Variants in IGF2 observed in about 807,000 individuals in gnomAD.
IGF2 encodes the protein insulin like growth factor 2, also known as insulin-like growth factor 2.
A neutral mutation model predicts 12.0 loss-of-function variants in IGF2; 2 were observed. That is an observed-to-expected ratio of 0.17 (90% CI 0.07 to 0.52). IGF2 has a LOEUF of 0.52. Ranked by LOEUF, IGF2 falls within the 20% of genes least tolerant of loss-of-function variation. The pLI is 0.95. For missense variants in IGF2, 211 were observed against 268.0 expected (o/e 0.79, Z 1.48); for synonymous variants, 105 against 110.1 (o/e 0.95, Z 0.29).
chr11:2,147,483 G>A, the IGF2 span: 4 of 541,820 alleles, frequency 7.4e-6, no homozygotes, highest in Non-Finnish European at 1.1e-5. The surrounding 1 kb of genome is among the most constrained non-coding windows in gnomAD (Gnocchi z 7.2). Context: ...GCTGCTTGCA[G>A]AAGGGGGAGA....
chr11:2,144,526 G>T (rs1437500093), upstream of IGF2, among the ~76,000 whole-genome samples: 1 of 152,252 alleles, frequency 6.6e-6, no homozygotes, highest in Non-Finnish European at 1.5e-5. Context: ...AGAAACACGG[G>T]GCCCGGGAGG....
chr11:2,132,933 CAGG>C lies in IGF2; in HGVS notation c.*51_*53del. ...GGAACCTGATGGAAACGTCCGTGGTCAGGAGGAGGCTGCAGGATGGTGGCGCCG... is the reference window on the plus strand; with the variant it reads ...GGAACCTGATGGAAACGTCCGTGGTCAGGAGGCTGCAGGATGGTGGCGCCG... On this transcript the variant is annotated 3_prime_UTR_variant, in exon 4 of 4. Coordinates refer to ENST00000416167, the MANE Select transcript of IGF2 (RefSeq NM_000612.6). The C allele has an allele frequency of 3.3e-6, 4 of 1,214,410 alleles. No individual in the cohort carries two copies. Among genetic ancestry groups the C allele is most frequent in the Non-Finnish European group, 4.6e-6 (4 of 874,138 alleles). 75.2% of individuals were successfully genotyped at this position (1,214,410 alleles called of 1,614,324 possible).
upstream of IGF2, chr11:2,140,720 C>A: frequency 2.4e-6 from 1 of 419,486 alleles, no homozygotes; most frequent in African/African-American, 2.2e-5. Flanking sequence ...AGTCCGCAGC[C>A]GTGTCCCGCG....
chr11:2,133,037 C>T lies in IGF2; in HGVS notation c.493G>A (p.Asp165Asn). The change falls in exon 4 of 4, where the codon GAC (aspartate) becomes AAC (asparagine). Residue 165 changes from aspartate (D) to asparagine (N), a missense_variant. Asp to Asn is a conservative substitution (Grantham distance 23). Around this residue, in one of 3 missense-constraint regions of IGF2, gnomAD observed 141 missense variants for 153.1 expected, o/e 0.92. Transcript: ENST00000416167. This position sits in a 1 kb window ranked among gnomAD's most constrained non-coding sequence, Gnocchi z 8.9. Reference sequence around the variant, plus strand: ...GGGGGGGCGCCCCCGTGGGCGGGGTCTTGGGTGGGTAGAGCAATCAGGGGA... The same window carrying T: ...GGGGGGGCGCCCCCGTGGGCGGGGTTTTGGGTGGGTAGAGCAATCAGGGGA... ...HRPLIALPTQ[D>N]PAHGGAPPEM... 1 of 1,585,754 alleles carries T rather than the reference C, an allele frequency of 6.3e-7. No individual in the cohort carries two copies. Among genetic ancestry groups the T allele is most frequent in the Non-Finnish European group, 8.6e-7 (1 of 1,164,554 alleles).
upstream of IGF2, chr11:2,140,174 G>C: frequency 2.5e-6 from 4 of 1,613,430 alleles, no homozygotes; most frequent in Non-Finnish European, 3.4e-6. Context: ...TAAGTAGCTC[G>C]CCTTTGCGGC....
At chr11:2,149,167 G>A in the IGF2 span, 4 of 1,613,546 alleles carry the variant, frequency 2.5e-6, no homozygotes, top group Non-Finnish European at 3.4e-6. Context: ...CTCCTGGACA[G>A]TGGATAAAGA....
intron 1 of IGF2, 68 bp downstream of exon 1, chr11:2,138,161 C>G: frequency 1.1e-6 from 1 of 941,358 alleles, no homozygotes; most frequent in Non-Finnish European, 1.3e-6. Context: ...GGAGGAAGGG[C>G]CGGGCGTCCG....
rs569692295 is a variant in IGF2 at position 2,129,374 on chromosome 11, G to A, written c.*3613C>T. On this transcript the variant is annotated 3_prime_UTR_variant, in exon 4 of 4. Coordinates refer to ENST00000416167, the MANE Select transcript of IGF2 (RefSeq NM_000612.6). This position sits in a 1 kb window ranked among gnomAD's most constrained non-coding sequence, Gnocchi z 8.1. The stretch of plus-strand genomic sequence containing the variant: ...GGACACGGGGAGGAGACAAGATGGA[G>A]AGCCACGACTAGGCACGGAGGTCAG... 1.8e-5 allele frequency: 4 copies of A among 227,418 alleles called. No homozygotes were observed. The highest frequency in any genetic ancestry group is 6.7e-5 in the African/African-American group (3 of 45,006). 14.1% of individuals were successfully genotyped at this position (227,418 alleles called of 1,614,324 possible). A position where few individuals can be genotyped will look rare whatever the true frequency, so the allele number is the denominator to read the frequency against.
upstream of IGF2, among the ~76,000 whole-genome samples, chr11:2,139,580 G>GC (rs1192643719): frequency 6.8e-6 from 1 of 147,636 alleles, no homozygotes; most frequent in Non-Finnish European, 1.5e-5. Flanking sequence ...GGGCCCCGGG[G>GC]GGGGGGCGGC....
chr11:2,133,822 C>A lies in IGF2; in HGVS notation c.158-157G>T. 1.2e-6 allele frequency: 1 copy of A among 840,078 alleles called. No individual in the cohort carries two copies. 52.0% of individuals were successfully genotyped at this position (840,078 alleles called of 1,614,324 possible). On this transcript the variant is annotated intron_variant, in intron 2 of 3. Transcript: ENST00000416167. This position sits in a 1 kb window ranked among gnomAD's most constrained non-coding sequence, Gnocchi z 8.9. ...GGGGAGGGAAGTGAGAGCTGGCAGG[C>A]AGAGGCGTCCCAGGAAGAAGAGAGG...
In IGF2 at chr11:2,132,657, TGGG is replaced by T. The variant is rs199644459; in HGVS notation, c.*327_*329del. 49 of 116,726 alleles carry T rather than the reference TGGG, an allele frequency of 4.2e-4. No homozygotes were observed. Among genetic ancestry groups the T allele is most frequent in the South Asian group, 1.2e-3 (3 of 2,468 alleles). The allele number at this position is 116,726 out of a possible 1,614,324, so 7.2% of individuals were successfully genotyped here. A position where few individuals can be genotyped will look rare whatever the true frequency, so the allele number is the denominator to read the frequency against. ...CCAATTAGTTTTAAGAGGGTTGTTG[TGGG>T]GGGGGGGGAAGGGGGTTAGTTTAAT... On this transcript the variant is annotated 3_prime_UTR_variant, in exon 4 of 4. Coordinates refer to ENST00000416167, the MANE Select transcript of IGF2 (RefSeq NM_000612.6).
At chr11:2,145,853 G>A (rs538517176), upstream of IGF2, among the ~76,000 whole-genome samples, 2 of 152,156 alleles carry the variant, frequency 1.3e-5, no homozygotes, top group East Asian at 3.9e-4. Flanking sequence ...AAAGCACACC[G>A]GCTCCCCTCT....
At chr11:2,146,412 A>C in the IGF2 span, 1 of 534,016 alleles carries the variant, frequency 1.9e-6, no homozygotes. Flanking sequence ...GGAAGGACAC[A>C]CTCGCTGGCG....
Position 2,133,162 on chromosome 11 carries a change from G to A in IGF2, c.368C>T (p.Thr123Ile), listed in dbSNP as rs1858737198. 6.3e-7 allele frequency: 1 copy of A among 1,596,268 alleles called. No individual in the cohort carries two copies. The highest frequency in any genetic ancestry group is 8.5e-7 in the Non-Finnish European group (1 of 1,170,560). The change falls in exon 4 of 4, where the codon ACC becomes ATC. Residue 123 changes from threonine to isoleucine, a missense_variant. Thr to Ile is a moderately conservative substitution (Grantham distance 89, BLOSUM62 -1). Around this residue, in one of 3 missense-constraint regions of IGF2, gnomAD observed 141 missense variants for 153.1 expected, o/e 0.92. Transcript: ENST00000416167. The surrounding 1 kb of genome is among the most constrained non-coding windows in gnomAD (Gnocchi z 8.9). ...AGGCAGGCCCCTGCGCAGGCGCTGG[G>A]TGGACTGCTTCCAGGTGTCATATTG... is the stretch of plus-strand genomic sequence containing the variant. ...FFQYDTWKQS[T>I]QRLRRGLPAL...
chr11:2,146,264 G>T, the IGF2 span: 1 of 533,794 alleles, frequency 1.9e-6, no homozygotes, highest in Admixed American at 1.9e-5. Context: ...TGAGCTCACC[G>T]CTCCGCCGTC....
chr11:2,133,590 G>A lies in IGF2; in HGVS notation c.233C>T (p.Ala78Val), dbSNP rs1858777283. The A allele has an allele frequency of 6.2e-7, 1 of 1,612,912 alleles. No individual in the cohort carries two copies. The highest frequency in any genetic ancestry group is 1.3e-5 in the African/African-American group (1 of 74,924). The stretch of plus-strand genomic sequence containing the variant: ...GGTAGCACAGTACGTCTCCAGGAGG[G>A]CCAGGTCACAGCTGCGGAAACAGCA... ...EECCFRSCDL[A>V]LLETYCATPA... Residue 78 changes from alanine (A) to valine (V), a missense_variant, in exon 3 of 4, where the codon GCC becomes GTC. This residue lies in a region of IGF2 where 141 missense variants were observed against 153.1 expected (regional missense o/e 0.92). Transcript: ENST00000416167. This position sits in a 1 kb window ranked among gnomAD's most constrained non-coding sequence, Gnocchi z 8.9.
chr11:2,138,700 G>C lies in IGF2; in HGVS notation c.-478C>G, dbSNP rs1859290326. 1.3e-6 allele frequency: 1 copy of C among 797,108 alleles called. No individual in the cohort carries two copies. Among genetic ancestry groups the C allele is most frequent in the Non-Finnish European group, 1.5e-6 (1 of 666,360 alleles). 49.4% of individuals were successfully genotyped at this position (797,108 alleles called of 1,614,324 possible). On this transcript the variant is annotated 5_prime_UTR_variant, in exon 1 of 4. Transcript: ENST00000416167. ...GTTCGGCGAAGGCGAGAGGGCGGGCGTGAGGGGGGGAGGGAGTCGGAGGCT... is the reference window on the plus strand; with the variant it reads ...GTTCGGCGAAGGCGAGAGGGCGGGCCTGAGGGGGGGAGGGAGTCGGAGGCT...
At chr11:2,144,336 C>T (rs1859782322), upstream of IGF2, among the ~76,000 whole-genome samples, 1 of 152,152 alleles carries the variant, frequency 6.6e-6, no homozygotes, top group Admixed American at 6.5e-5. Context: ...GCGGCCGAGC[C>T]GCCACCGGGG....
chr11:2,138,833 A>C lies in IGF2; in HGVS notation c.-611T>G. ...CGGGGAGCACAGAGAAGCGGAGGGAAGGGCGCCACGTCGAGGGGCCGGGGG... is the reference window on the plus strand; with the variant it reads ...CGGGGAGCACAGAGAAGCGGAGGGACGGGCGCCACGTCGAGGGGCCGGGGG... On this transcript the variant is annotated 5_prime_UTR_variant, in exon 1 of 4. Transcript: ENST00000416167. 1.2e-6 allele frequency: 1 copy of C among 860,416 alleles called. No homozygotes were observed. 53.3% of individuals were successfully genotyped at this position (860,416 alleles called of 1,614,324 possible).
Sources: allele counts gnomAD v4.1 joint callset (sites outside exome capture counted in the v4.1 genomes callset), GRCh38; gene constraint gnomAD v4.1.1; regional missense constraint gnomAD v4.1.1; non-coding constraint Gnocchi (gnomAD v3.1); transcripts MANE v1.5; gene names NCBI Gene and HGNC (gene_info 2026-07-23, HGNC 2026-07-21).